The following SGCD variants were observed in gnomAD, a reference collection of about 807,000 sequenced individuals.
SGCD encodes the protein sarcoglycan delta.
In SGCD, 18 loss-of-function variants were observed where a neutral mutation model predicts 36.6. The observed-to-expected ratio is 0.49, with a 90% CI of 0.34 to 0.73. SGCD has a LOEUF of 0.73. Among genes scored for constraint, SGCD ranks in the 30% least tolerant of loss-of-function variants. SGCD has a pLI of 0.01. For synonymous variants in SGCD, 133 were observed against 130.6 expected, an observed-to-expected ratio of 1.02 and a Z score of -0.12; for missense variants, 387 against 346.7, an observed-to-expected ratio of 1.12 and a Z score of -0.92.
chr5:156,114,560 A>C (rs1761864946), intron 1 of SGCD, among the ~76,000 whole-genome samples: 1 of 152,024 alleles, frequency 6.6e-6, no homozygotes, highest in Admixed American at 6.6e-5. Context: ...ATCTGACCCA[A>C]GTTATTTATT....
At chr5:156,310,620 G>T (rs1481991732) in intron 3 of SGCD, among the ~76,000 whole-genome samples, 1 of 152,160 alleles carries the variant, frequency 6.6e-6, no homozygotes, top group East Asian at 1.9e-4. Flanking sequence ...TTCTTTCAGT[G>T]AAATTATTGT....
intron 1 of SGCD, among the ~76,000 whole-genome samples, chr5:155,945,229 C>T (rs1020021813): frequency 1.3e-5 from 2 of 152,046 alleles, no homozygotes; most frequent in African/African-American, 4.8e-5. Flanking sequence ...AACTAACTGG[C>T]TTGGAGTAGA....
intron 3 of SGCD, among the ~76,000 whole-genome samples, chr5:156,400,344 T>C (rs939983671): frequency 9.2e-5 from 14 of 152,340 alleles, no homozygotes; most frequent in African/African-American, 3.4e-4. Context: ...AGTGCTTGAC[T>C]AAAGGTCTTA....
At chr5:156,486,554 G>C (rs1323598526) in intron 3 of SGCD, among the ~76,000 whole-genome samples, 1 of 152,090 alleles carries the variant, frequency 6.6e-6, no homozygotes, top group Non-Finnish European at 1.5e-5. Flanking sequence ...CCATGAGCTA[G>C]AAGGTCACCC....
chr5:155,880,195 T>A (rs1002387499), intron 1 of SGCD, among the ~76,000 whole-genome samples: 1 of 152,150 alleles, frequency 6.6e-6, no homozygotes, highest in African/African-American at 2.4e-5. Context: ...AAAGTGAGAA[T>A]AAGTTTACAT....
intron 1 of SGCD, among the ~76,000 whole-genome samples, chr5:156,008,759 A>G (rs1048119646): frequency 6.6e-6 from 1 of 152,210 alleles, no homozygotes; most frequent in Non-Finnish European, 1.5e-5. Flanking sequence ...AATTAATTAC[A>G]TCTACAGAAA....
At chr5:156,443,585 T>C (rs1046418388) in intron 3 of SGCD, among the ~76,000 whole-genome samples, 26 of 152,096 alleles carry the variant, frequency 1.7e-4, no homozygotes, top group African/African-American at 5.6e-4. Context: ...CCAGCCTGGG[T>C]CACTGCTAAT....
chr5:155,800,991 T>C, the SGCD span, among the ~76,000 whole-genome samples: 4 of 152,352 alleles, frequency 2.6e-5, no homozygotes, highest in South Asian at 2.1e-4. Context: ...AGTTCCAGGA[T>C]GTCTTTTGTA....
chr5:156,667,750 GT>G (rs1452014889), intron 7 of SGCD, among the ~76,000 whole-genome samples: 1 of 152,186 alleles, frequency 6.6e-6, no homozygotes, highest in African/African-American at 2.4e-5. Flanking sequence ...CACAGGACGA[GT>G]TCTGAACATA....
rs150647718 is a variant in SGCD at position 155,963,504 on chromosome 5, A to G, written c.-282+93080A>G. 5.5e-3 allele frequency among the ~76,000 whole-genome samples: 841 copies of G among 152,230 alleles called. 7 individuals carry two copies. The highest frequency in any genetic ancestry group is 0.01 in the Admixed American group (158 of 15,276). ...GCCTACAAATCGATCTAGAACAATA[A>G]CAGCAGTGATGATAATATTTCTTGA... On this transcript the variant is annotated intron_variant, in intron 1 of 9. Transcript: ENST00000517913.
chr5:156,360,342 G>A (rs1005226135), intron 3 of SGCD, among the ~76,000 whole-genome samples: 1 of 150,960 alleles, frequency 6.6e-6, no homozygotes, highest in South Asian at 2.1e-4. Context: ...CTGCTTCCCT[G>A]GTTCAAGCAA....
intron 1 of SGCD, among the ~76,000 whole-genome samples, chr5:155,901,189 G>A (rs1756382158): frequency 6.6e-6 from 1 of 151,908 alleles, no homozygotes; most frequent in Admixed American, 6.6e-5. Flanking sequence ...GTGGGTGCCT[G>A]TAATCCCAGC....
the SGCD span, among the ~76,000 whole-genome samples, chr5:155,739,288 A>T: frequency 6.6e-6 from 1 of 152,184 alleles, no homozygotes; most frequent in Non-Finnish European, 1.5e-5. Flanking sequence ...GTATCTGCTA[A>T]AAGATCTTTC....
chr5:156,450,373 T>C (rs914905434), intron 3 of SGCD, among the ~76,000 whole-genome samples: 13 of 152,006 alleles, frequency 8.6e-5, no homozygotes, highest in Admixed American at 4.6e-4. Context: ...GCACACTGGA[T>C]AGGGGGCTTA....
chr5:156,746,964 A>G lies in SGCD; in HGVS notation c.576-10617A>G, dbSNP rs192742603. On this transcript the variant is annotated intron_variant, in intron 7 of 8. Coordinates refer to ENST00000337851, the MANE Select transcript of SGCD (RefSeq NM_000337.6). ...GATTGGGAGAAAATACTTGAAATAT[A>G]TATGAAAAAGAATTTTTACTTAGGA... is the stretch of plus-strand genomic sequence containing the variant. 5.1e-3 allele frequency among the ~76,000 whole-genome samples: 773 copies of G among 152,276 alleles called. 4 individuals are homozygous for G. The highest frequency in any genetic ancestry group is 0.016 in the African/African-American group (649 of 41,562).
chr5:155,805,788 G>A, the SGCD span, among the ~76,000 whole-genome samples: 10 of 152,220 alleles, frequency 6.6e-5, no homozygotes, highest in Admixed American at 6.5e-5. Context: ...GGCATCTGGT[G>A]TGCAAATGAT....
chr5:155,966,711 G>A (rs746643258), intron 1 of SGCD, among the ~76,000 whole-genome samples: 1 of 152,004 alleles, frequency 6.6e-6, no homozygotes, highest in African/African-American at 2.4e-5. Flanking sequence ...TTAAATTCTT[G>A]GAGCTGTGAG....
At chr5:156,114,541 T>C (rs985473412) in intron 1 of SGCD, among the ~76,000 whole-genome samples, 11 of 152,086 alleles carry the variant, frequency 7.2e-5, no homozygotes, top group South Asian at 2.1e-4. Context: ...GCCTGGGTTT[T>C]TGTCATCCAT....
chr5:156,174,503 A>G (rs1366855523), intron 3 of SGCD, among the ~76,000 whole-genome samples: 3 of 152,222 alleles, frequency 2.0e-5, no homozygotes, highest in African/African-American at 4.8e-5. Flanking sequence ...GCGCTGTTTC[A>G]GATTCCTAGA....
Sources: allele counts gnomAD v4.1 joint callset (sites outside exome capture counted in the v4.1 genomes callset), GRCh38; gene constraint gnomAD v4.1.1; transcripts MANE v1.5; gene names NCBI Gene and HGNC (gene_info 2026-07-23, HGNC 2026-07-21).